The following PRMT7 variants were observed in gnomAD, a reference collection of about 807,000 sequenced individuals.
PRMT7 encodes the protein protein arginine methyltransferase 7.
In PRMT7, 75 loss-of-function variants were observed where a neutral mutation model predicts 85.4. The ratio of observed to expected loss-of-function variants is 0.88; its 90% CI spans 0.73 to 1.06. PRMT7 has a LOEUF of 1.06. Ranked by LOEUF, PRMT7 falls within the 50% of genes least tolerant of loss-of-function variation. PRMT7 has a pLI of 0.00. For missense variants in PRMT7, 868 were observed against 915.2 expected, an observed-to-expected ratio of 0.95 and a Z score of 0.67; for synonymous variants, 397 against 359.5, an observed-to-expected ratio of 1.10 and a Z score of -1.18.
intron 6 of PRMT7, among the ~76,000 whole-genome samples, chr16:68,331,990 C>G (rs1290243680): frequency 6.6e-6 from 1 of 152,150 alleles, no homozygotes; most frequent in African/African-American, 2.4e-5. Flanking sequence ...CTTCACATGT[C>G]TAACCATTTT....
chr16:68,341,001 T>C (rs1026719324), intron 9 of PRMT7, among the ~76,000 whole-genome samples: 1 of 152,202 alleles, frequency 6.6e-6, no homozygotes, highest in African/African-American at 2.4e-5. Context: ...ATATATGTGT[T>C]TGTGAGTGGA....
chr16:68,340,557 G>T (rs1219235425), intron 9 of PRMT7, among the ~76,000 whole-genome samples: 1 of 150,016 alleles, frequency 6.7e-6, no homozygotes, highest in African/African-American at 2.5e-5. Context: ...CTCCCGCCTG[G>T]GCAATAAGAT....
intron 10 of PRMT7, 142 bp from the exon 11 acceptor site, chr16:68,346,003 G>T: frequency 2.2e-6 from 3 of 1,380,520 alleles, no homozygotes; most frequent in Non-Finnish European, 3.0e-6. Flanking sequence ...AATCTGTTTA[G>T]AGCAGATGCG....
At chr16:68,354,107 G>A (rs1460248996) in intron 16 of PRMT7, among the ~76,000 whole-genome samples, 1 of 152,192 alleles carries the variant, frequency 6.6e-6, no homozygotes, top group Non-Finnish European at 1.5e-5. Flanking sequence ...GGAAATGCAC[G>A]TGGCTCCTGC....
chr16:68,312,636 G>C (rs968346193), intron 2 of PRMT7, among the ~76,000 whole-genome samples: 4 of 152,118 alleles, frequency 2.6e-5, no homozygotes, highest in African/African-American at 9.7e-5. Flanking sequence ...CCTTGTAAAT[G>C]GCCATGCAAG....
At chr16:68,314,638 G>A (rs1354882749) in intron 2 of PRMT7, among the ~76,000 whole-genome samples, 2 of 152,210 alleles carry the variant, frequency 1.3e-5, no homozygotes, top group Non-Finnish European at 2.9e-5. Context: ...TTAGGGATAT[G>A]TGGAGTAGGC....
chr16:68,317,598 C>T (rs990877810), intron 3 of PRMT7, among the ~76,000 whole-genome samples: 11 of 152,108 alleles, frequency 7.2e-5, no homozygotes, highest in Non-Finnish European at 1.6e-4. Context: ...GAGACCAAGG[C>T]GGGCGGATCA....
chr16:68,341,790 C>A (rs1282157156), intron 9 of PRMT7, among the ~76,000 whole-genome samples: 1 of 152,132 alleles, frequency 6.6e-6, no homozygotes, highest in Non-Finnish European at 1.5e-5. Context: ...CGTAAAAACC[C>A]GAAAAGACAT....
chr16:68,334,787 ATTTTT>A (rs891922960), intron 6 of PRMT7, among the ~76,000 whole-genome samples: 4 of 147,956 alleles, frequency 2.7e-5, no homozygotes, highest in African/African-American at 9.9e-5. Flanking sequence ...TAAAGCTTGA[ATTTTT>A]TTTTTTTAAT....
intron 3 of PRMT7, 137 bp downstream of exon 3, chr16:68,316,211 GTCT>G (rs2081834223): frequency 2.8e-6 from 2 of 726,008 alleles, no homozygotes; most frequent in Non-Finnish European, 4.8e-6. Flanking sequence ...TCCTGAGCAG[GTCT>G]GCTCAGCCAG....
At chr16:68,331,814 C>T (rs1224408714) in intron 6 of PRMT7, among the ~76,000 whole-genome samples, 1 of 152,174 alleles carries the variant, frequency 6.6e-6, no homozygotes. Context: ...GAAAGTTCCA[C>T]TTGATTCTTT....
intron 5 of PRMT7, among the ~76,000 whole-genome samples, chr16:68,325,805 CA>C (rs1303844312): frequency 1.3e-5 from 2 of 151,978 alleles, no homozygotes; most frequent in Admixed American, 6.6e-5. Context: ...CAAAACAAAA[CA>C]AAAAAACCTT....
intron 3 of PRMT7, chr16:68,318,802 G>A (rs1262899135): frequency 2.6e-5 from 4 of 152,260 alleles, no homozygotes; most frequent in African/African-American, 9.7e-5. Context: ...CAAAGTGCTG[G>A]GATTACAGGT....
At chr16:68,328,817 C>T (rs2083457649) in intron 5 of PRMT7, among the ~76,000 whole-genome samples, 1 of 152,180 alleles carries the variant, frequency 6.6e-6, no homozygotes, top group Non-Finnish European at 1.5e-5. Context: ...ACCTACTGCT[C>T]TTACTAAGTA....
intron 7 of PRMT7, among the ~76,000 whole-genome samples, chr16:68,338,566 C>T (rs962794201): frequency 5.3e-5 from 8 of 152,046 alleles, no homozygotes; most frequent in South Asian, 2.1e-4. Flanking sequence ...TGAGGTGGGG[C>T]GGAGGAAGCA....
intron 2 of PRMT7, among the ~76,000 whole-genome samples, chr16:68,313,095 G>C (rs1372066724): frequency 6.6e-6 from 1 of 152,214 alleles, no homozygotes; most frequent in Non-Finnish European, 1.5e-5. Flanking sequence ...AAAGTGCTGG[G>C]ATTATAGGCG....
chr16:68,329,347 T>C (rs564859332), intron 6 of PRMT7, 173 bp downstream of exon 6: 1 of 512,714 alleles, frequency 2.0e-6, no homozygotes, highest in African/African-American at 1.9e-5. Context: ...TTCCTGCTAG[T>C]TAAAACTAGT....
In PRMT7 at chr16:68,346,154, G is replaced by C. The variant is rs769256516; in HGVS notation, c.1065G>C (p.Lys355Asn). The C allele has an allele frequency of 1.2e-6, 2 of 1,613,854 alleles. No homozygotes were observed. Among genetic ancestry groups the C allele is most frequent in the South Asian group, 2.2e-5 (2 of 91,076 alleles). ...TCATCTCCTGGCCTAGCCCTGAAAAGAATGAGAGAGTCCGCCAGATGCGCC... is the reference window on the plus strand; with the variant it reads ...TCATCTCCTGGCCTAGCCCTGAAAACAATGAGAGAGTCCGCCAGATGCGCC... ...WYSLQRTSPE[K>N]NERVRQMRPV... The change falls in exon 11 of 19, where the codon AAG (lysine) becomes AAC (asparagine). Residue 355 changes from lysine to asparagine, a missense_variant. By Grantham distance (94) the Lys-to-Asn change is moderately conservative. Transcript: ENST00000441236.
At chr16:68,344,395 C>T (rs974191942) in intron 9 of PRMT7, among the ~76,000 whole-genome samples, 13 of 152,174 alleles carry the variant, frequency 8.5e-5, no homozygotes. Flanking sequence ...AAATAGCTCC[C>T]TTTGTTTGGT....
Sources: allele counts gnomAD v4.1 joint callset (sites outside exome capture counted in the v4.1 genomes callset), GRCh38; gene constraint gnomAD v4.1.1; transcripts MANE v1.5; gene names NCBI Gene and HGNC (gene_info 2026-07-23, HGNC 2026-07-21).